MYO16: variants seen among roughly 807,000 people sequenced by gnomAD.
MYO16 encodes unconventional myosin-XVI.
MYO16 carries 94 observed loss-of-function variants against 205.3 expected under a neutral mutation model. The ratio of observed to expected loss-of-function variants is 0.46; its 90% CI spans 0.39 to 0.54. The LOEUF is 0.54. Ranked by LOEUF, MYO16 falls within the 20% of genes least tolerant of loss-of-function variation. The pLI is 0.00. For synonymous variants in MYO16, 988 were observed against 954.0 expected (o/e 1.04, Z -0.66); for missense variants, 2,315 against 2,387.5 (o/e 0.97, Z 0.63).
chr13:108,999,497 A>G (rs1351050119), intron 21 of MYO16, among the ~76,000 whole-genome samples: 1 of 152,222 alleles, frequency 6.6e-6, no homozygotes. Flanking sequence ...TAGAATCATT[A>G]AATAATGAGA....
chr13:109,062,568 T>A (rs1221635504), intron 27 of MYO16, among the ~76,000 whole-genome samples: 1 of 152,140 alleles, frequency 6.6e-6, no homozygotes, highest in Admixed American at 6.5e-5. Flanking sequence ...GAATTATGAA[T>A]TTATTTTAGA....
At chr13:109,087,943 A>C (rs1888488556) in intron 27 of MYO16, among the ~76,000 whole-genome samples, 1 of 152,224 alleles carries the variant, frequency 6.6e-6, no homozygotes, top group African/African-American at 2.4e-5. Flanking sequence ...TTAACGAAAC[A>C]AGCTGTTCTT....
intron 23 of MYO16, among the ~76,000 whole-genome samples, chr13:109,026,659 C>G (rs997620048): frequency 6.6e-6 from 1 of 152,130 alleles, no homozygotes; most frequent in Non-Finnish European, 1.5e-5. Flanking sequence ...ACATTTGATT[C>G]GTTTTTAAGT....
intron 2 of MYO16, among the ~76,000 whole-genome samples, chr13:108,709,111 C>A (rs943847534): frequency 6.6e-6 from 1 of 151,794 alleles, no homozygotes; most frequent in African/African-American, 2.4e-5. Flanking sequence ...AGGAAGCCTG[C>A]GCTTCGTTAT....
chr13:108,861,972 G>A (rs1878468914), intron 11 of MYO16, among the ~76,000 whole-genome samples: 1 of 152,018 alleles, frequency 6.6e-6, no homozygotes, highest in African/African-American at 2.4e-5. Context: ...TACTTTTTGT[G>A]ACCTGTTTAA....
At chr13:108,626,816 T>G (rs112748276), upstream of MYO16, among the ~76,000 whole-genome samples, 1,694 of 149,356 alleles carry the variant, frequency 0.011, 32 homozygotes, top group African/African-American at 0.039. Flanking sequence ...AAAGAGAAAA[T>G]AAAAGAAAAG....
Position 108,614,628 on chromosome 13 carries a change from A to G in MYO16, c.-39+18389A>G, listed in dbSNP as rs947743047. Reference sequence around the variant, plus strand: ...GTGATACTGGCATAAGGCTGGATATATAAATCAATGAGATATAATTAAGAG... The same window carrying G: ...GTGATACTGGCATAAGGCTGGATATGTAAATCAATGAGATATAATTAAGAG... On this transcript the variant is annotated intron_variant, in intron 1 of 24. Transcript: ENST00000251041. 6.4e-4 allele frequency among the ~76,000 whole-genome samples: 98 copies of G among 152,162 alleles called. 7 individuals are homozygous for G.
At chr13:108,912,801 G>A (rs969458581) in intron 16 of MYO16, among the ~76,000 whole-genome samples, 5 of 152,036 alleles carry the variant, frequency 3.3e-5, no homozygotes, top group African/African-American at 7.2e-5. Flanking sequence ...AAGCAGATAC[G>A]TAGCTTAGAG....
chr13:108,917,983 G>A (rs1881573983), intron 16 of MYO16, among the ~76,000 whole-genome samples: 1 of 152,170 alleles, frequency 6.6e-6, no homozygotes, highest in Non-Finnish European at 1.5e-5. Flanking sequence ...TGAGAACTGC[G>A]GTTGCTTTGT....
At chr13:109,058,984 C>A (rs139325017) in intron 27 of MYO16, among the ~76,000 whole-genome samples, 2 of 152,128 alleles carry the variant, frequency 1.3e-5, no homozygotes, top group African/African-American at 4.8e-5. Context: ...CATCCATAAG[C>A]AGCAACTCCT....
chr13:108,534,829 C>CTCT, the MYO16 span, among the ~76,000 whole-genome samples: 1 of 148,664 alleles, frequency 6.7e-6, no homozygotes, highest in Non-Finnish European at 1.5e-5. Context: ...CCTCTTCTTC[C>CTCT]TCTTCTTCTT....
intron 16 of MYO16, among the ~76,000 whole-genome samples, chr13:108,917,067 C>T (rs949969154): frequency 1.3e-5 from 2 of 151,148 alleles, no homozygotes; most frequent in African/African-American, 4.9e-5. Context: ...AACTCAAATG[C>T]GGCTTCTCTC....
At chr13:108,537,028 AT>A in the MYO16 span, among the ~76,000 whole-genome samples, 2 of 152,132 alleles carry the variant, frequency 1.3e-5, no homozygotes, top group Non-Finnish European at 2.9e-5. Context: ...ACATGGATAC[AT>A]TGGAAAATGG....
rs116376828 is a variant in MYO16 at position 108,725,577 on chromosome 13, G to A, written c.364-1863G>A. On this transcript the variant is annotated intron_variant, in intron 3 of 34. Transcript: ENST00000457511. ...CTACCCAGTGCTCTGTCAGTTACAC[G>A]GTTTTCAGTCTGGTTGGCAGGAACA... Among the ~76,000 whole-genome samples the A allele has an allele frequency of 9.5e-3, 1,449 of 152,116 alleles. 22 individuals are homozygous for A. The highest frequency in any genetic ancestry group is 0.033 in the African/African-American group (1,369 of 41,482).
rs35960970 is a variant in MYO16 at position 109,049,926 on chromosome 13, C to CTGTGTGTGTG, written c.2873-2332_2873-2323dup. Among the ~76,000 whole-genome samples, 399 of 105,964 alleles carry CTGTGTGTGTG rather than the reference C, an allele frequency of 3.8e-3. 2 individuals carry two copies. The highest frequency in any genetic ancestry group is 6.5e-3 in the Non-Finnish European group (321 of 49,490). 69.5% of individuals were successfully genotyped at this position (105,964 alleles called of 152,430 possible). A position where few individuals can be genotyped will look rare whatever the true frequency, so the allele number is the denominator to read the frequency against. On this transcript the variant is annotated intron_variant, in intron 24 of 34. Coordinates refer to ENST00000457511, the MANE Select transcript of MYO16 (RefSeq NM_001198950.3). ...TGTTCTCCTCTTTCCTTCCTTTGTCCTGTGTGTGTGTGTGTGTGTGTGTGT... is the reference window on the plus strand; with the variant it reads ...TGTTCTCCTCTTTCCTTCCTTTGTCCTGTGTGTGTGTGTGTGTGTGTGTGTGTGTGTGTGT...
chr13:109,052,240 G>A, intron 24 of MYO16, 60 bp from the exon 25 acceptor site: 1 of 1,448,564 alleles, frequency 6.9e-7, no homozygotes, highest in Non-Finnish European at 9.7e-7. Flanking sequence ...TGAAGAATAA[G>A]TTCAATGCTT....
At chr13:109,086,809 A>G (rs1440442391) in intron 27 of MYO16, among the ~76,000 whole-genome samples, 2 of 152,170 alleles carry the variant, frequency 1.3e-5, no homozygotes, top group African/African-American at 2.4e-5. Flanking sequence ...AAGGCAACAG[A>G]TCTATATTTA....
chr13:108,931,672 C>T (rs1275191965), intron 16 of MYO16, among the ~76,000 whole-genome samples: 1 of 152,156 alleles, frequency 6.6e-6, no homozygotes, highest in South Asian at 2.1e-4. Context: ...TAAGTCCTGG[C>T]ACCATCATTC....
chr13:108,667,789 T>C (rs993138625), intron 2 of MYO16, among the ~76,000 whole-genome samples: 8 of 152,282 alleles, frequency 5.3e-5, no homozygotes, highest in Middle Eastern at 3.4e-3. Context: ...CTCATACCTA[T>C]AATCCCAACA....
Sources: gnomAD v4.1 joint callset for allele counts (sites outside exome capture counted in the v4.1 genomes callset) on GRCh38, gnomAD v4.1.1 for gene constraint, MANE v1.5 for transcripts, NCBI Gene and HGNC (gene_info 2026-07-23, HGNC 2026-07-21) for gene names.